ZBTB38: variants seen among roughly 807,000 people sequenced by gnomAD.
ZBTB38 encodes zinc finger and BTB domain containing 38.
ZBTB38 carries 20 observed loss-of-function variants against 76.8 expected under a neutral mutation model. That is an observed-to-expected ratio of 0.26 (90% CI 0.18 to 0.38). The LOEUF (loss-of-function observed/expected upper bound fraction) is 0.38, where lower values mean the gene tolerates loss of function less well. ZBTB38 is among the 10% of genes least tolerant of loss of function. The pLI, the probability that ZBTB38 is intolerant of heterozygous loss-of-function variation, is 1.00. For missense variants in ZBTB38, 1,082 were observed against 1,482.3 expected (o/e 0.73, Z 4.43); for synonymous variants, 504 against 544.2 (o/e 0.93, Z 1.03).
At chr3:141,374,681 C>A (rs983688995) in intron 2 of ZBTB38, among the ~76,000 whole-genome samples, 12 of 151,956 alleles carry the variant, frequency 7.9e-5, no homozygotes, top group African/African-American at 2.9e-4. Flanking sequence ...TGGTGTTTTG[C>A]CCCCATTTAA....
chr3:141,383,480 T>C (rs960097807), intron 3 of ZBTB38, among the ~76,000 whole-genome samples: 1 of 152,200 alleles, frequency 6.6e-6, no homozygotes, highest in African/African-American at 2.4e-5. Context: ...CCAGCTGTAA[T>C]GTTTAATGTG....
At chr3:141,414,782 T>A (rs1183772288) in intron 5 of ZBTB38, among the ~76,000 whole-genome samples, 1 of 151,768 alleles carries the variant, frequency 6.6e-6, no homozygotes, top group Admixed American at 6.6e-5. Context: ...ACTTGGTCTT[T>A]GGTATGTTTG....
Position 141,445,299 on chromosome 3 carries a change from T to G in ZBTB38, c.2911T>G (p.Phe971Val). 6.2e-7 allele frequency: 1 copy of G among 1,614,090 alleles called. No individual in the cohort carries two copies. The highest frequency in any genetic ancestry group is 1.7e-5 in the Admixed American group (1 of 60,018). Residue 971 changes from phenylalanine (F) to valine (V), a missense_variant, in exon 6 of 6, where the codon TTT becomes GTT. Transcript: ENST00000321464. The surrounding 1 kb of genome is among the most constrained non-coding windows in gnomAD (Gnocchi z 6.5). ...AVGKAPQDKP[F>V]EEEETKEMPK... ...GGGGAAGGCTCCTCAGGATAAACCC[T>G]TTGAGGAAGAAGAAACTAAAGAGAT...
rs2081278620 is a variant in ZBTB38 at position 141,448,687 on chromosome 3, A to G, written c.*2711A>G. The G allele has an allele frequency of 6.6e-6, 1 of 152,260 alleles. No individual in the cohort carries two copies. Among genetic ancestry groups the G allele is most frequent in the African/African-American group, 2.4e-5 (1 of 41,472 alleles). 9.4% of individuals were successfully genotyped at this position (152,260 alleles called of 1,614,324 possible). A position where few individuals can be genotyped will look rare whatever the true frequency, so the allele number is the denominator to read the frequency against. On this transcript the variant is annotated 3_prime_UTR_variant, in exon 6 of 6. Coordinates refer to ENST00000321464, the MANE Select transcript of ZBTB38 (RefSeq NM_001376113.1). The stretch of plus-strand genomic sequence containing the variant: ...ATAAATTTGTTTTTGCTTGATTAAA[A>G]TAGCTTATTCCTACATTAAGTCTCT...
chr3:141,446,097 A>C lies in ZBTB38; in HGVS notation c.*121A>C, dbSNP rs74686513. 1.1e-6 allele frequency: 1 copy of C among 890,354 alleles called. No homozygotes were observed. Among genetic ancestry groups the C allele is most frequent in the Non-Finnish European group, 1.6e-6 (1 of 643,188 alleles). The allele number at this position is 890,354 out of a possible 1,614,324, so 55.2% of individuals were successfully genotyped here. A position where few individuals can be genotyped will look rare whatever the true frequency, so the allele number is the denominator to read the frequency against. Reference sequence around the variant, plus strand: ...AGGAGTGAAATTAAAAAAAAAAAAAACTCATTTGTGAAAATTCCAGAAAAA... The same window carrying C: ...AGGAGTGAAATTAAAAAAAAAAAAACCTCATTTGTGAAAATTCCAGAAAAA... On this transcript the variant is annotated 3_prime_UTR_variant, in exon 6 of 6. Transcript: ENST00000321464.
intron 5 of ZBTB38, among the ~76,000 whole-genome samples, chr3:141,416,184 G>T (rs78440862): frequency 1.3e-5 from 2 of 152,122 alleles, no homozygotes; most frequent in African/African-American, 4.8e-5. Flanking sequence ...TACTAGGGTG[G>T]TGAGAAAAGG....
intron 5 of ZBTB38, among the ~76,000 whole-genome samples, chr3:141,410,359 C>T (rs1334041628): frequency 6.6e-6 from 1 of 152,138 alleles, no homozygotes; most frequent in African/African-American, 2.4e-5. Flanking sequence ...AAATTTAATG[C>T]TTACAAGGAA....
chr3:141,403,390 T>C (rs1423047962), intron 4 of ZBTB38, among the ~76,000 whole-genome samples: 2 of 152,088 alleles, frequency 1.3e-5, no homozygotes, highest in African/African-American at 4.8e-5. Flanking sequence ...TTTTCAAGAG[T>C]GGGGGACCCA....
At chr3:141,426,032 T>C (rs992382034) in intron 5 of ZBTB38, 2 of 707,470 alleles carry the variant, frequency 2.8e-6, no homozygotes, top group Non-Finnish European at 4.3e-6. Context: ...GGATGACATA[T>C]GTAGGTGACT....
chr3:141,353,352 A>G lies in ZBTB38; in HGVS notation c.-738-15269A>G. 1.3e-5 allele frequency among the ~76,000 whole-genome samples: 2 copies of G among 151,872 alleles called. 1 individual carries two copies. Among genetic ancestry groups the G allele is most frequent in the Non-Finnish European group, 2.9e-5 (2 of 68,000 alleles). On this transcript the variant is annotated intron_variant, in intron 1 of 7. Coordinates refer to the ZBTB38 transcript ENST00000509842. ...CCCTTTTTCATCTTTCCCCTTTTGC[A>G]TCACTTACCCCCAAGCTTCCTCCAA...
chr3:141,401,641 T>G (rs920933633), intron 4 of ZBTB38, among the ~76,000 whole-genome samples: 4 of 149,862 alleles, frequency 2.7e-5, no homozygotes, highest in African/African-American at 9.8e-5. Context: ...AATTTAAGAA[T>G]AAGACTCTAC....
At chr3:141,417,323 A>G (rs572790867) in intron 5 of ZBTB38, among the ~76,000 whole-genome samples, 1 of 152,206 alleles carries the variant, frequency 6.6e-6, no homozygotes, top group Non-Finnish European at 1.5e-5. Flanking sequence ...TCCATTTTGG[A>G]TGTCTGTTGA....
chr3:141,444,437 T>C lies in ZBTB38; in HGVS notation c.2049T>C (p.Ser683=). The change falls in exon 6 of 6, where the codon AGT becomes AGC. Residue 683 remains serine, a synonymous_variant. Coordinates refer to ENST00000321464, the MANE Select transcript of ZBTB38 (RefSeq NM_001376113.1). This position sits in a 1 kb window ranked among gnomAD's most constrained non-coding sequence, Gnocchi z 5.1. ...TTTCTTCCACTGAAAATGCTGTCAGTTCTGACCTCCGGGCAGGGGATGTAC... is the reference window on the plus strand; with the variant it reads ...TTTCTTCCACTGAAAATGCTGTCAGCTCTGACCTCCGGGCAGGGGATGTAC... ...VSVSSTENAV[S]SDLRAGDVPV... is the part of the protein sequence containing the mutation. 1 of 1,614,080 alleles carries C rather than the reference T, an allele frequency of 6.2e-7. No homozygotes were observed. Among genetic ancestry groups the C allele is most frequent in the Non-Finnish European group, 8.5e-7 (1 of 1,180,040 alleles).
In ZBTB38 at chr3:141,360,801, G is replaced by A. The variant is rs114608288; in HGVS notation, c.-738-7820G>A. ...TCCCTGGCTTCTACCCACTGTTGACGGTATTACCCCCAAAATGACAATAAA... is the reference window on the plus strand; with the variant it reads ...TCCCTGGCTTCTACCCACTGTTGACAGTATTACCCCCAAAATGACAATAAA... On this transcript the variant is annotated intron_variant, in intron 1 of 7. Transcript: ENST00000509842. 6.0e-3 allele frequency among the ~76,000 whole-genome samples: 917 copies of A among 152,114 alleles called. 5 individuals are homozygous for A. The highest frequency in any genetic ancestry group is 0.019 in the African/African-American group (800 of 41,482).
At chr3:141,348,718 T>C (rs139310120) in intron 1 of ZBTB38, among the ~76,000 whole-genome samples, 154 of 152,294 alleles carry the variant, frequency 1.0e-3, no homozygotes, top group Non-Finnish European at 1.9e-3. Flanking sequence ...ACTGTATCTG[T>C]CAAGAGCCAA....
chr3:141,383,870 A>G (rs1186241422), intron 3 of ZBTB38, among the ~76,000 whole-genome samples: 1 of 152,194 alleles, frequency 6.6e-6, no homozygotes, highest in East Asian at 1.9e-4. Context: ...TGCCTTTTAA[A>G]TTAATGTTTG....
chr3:141,419,503 G>A (rs115904786), intron 5 of ZBTB38, among the ~76,000 whole-genome samples: 310 of 152,302 alleles, frequency 2.0e-3, no homozygotes, highest in African/African-American at 7.1e-3. Flanking sequence ...ATTTAAGTAC[G>A]TTAGAAGTTA....
chr3:141,353,711 T>C (rs1384847805), intron 1 of ZBTB38, among the ~76,000 whole-genome samples: 1 of 152,134 alleles, frequency 6.6e-6, no homozygotes, highest in African/African-American at 2.4e-5. Flanking sequence ...AATACTTGAA[T>C]GAATGAGTGA....
intron 2 of ZBTB38, among the ~76,000 whole-genome samples, chr3:141,371,160 C>T (rs1944546520): frequency 7.2e-6 from 1 of 139,376 alleles, no homozygotes; most frequent in African/African-American, 2.6e-5. Context: ...TCAAGTGATT[C>T]TACTGCCTCA....
Sources: allele counts gnomAD v4.1 joint callset (sites outside exome capture counted in the v4.1 genomes callset), GRCh38; gene constraint gnomAD v4.1.1; non-coding constraint Gnocchi (gnomAD v3.1); transcripts MANE v1.5; gene names NCBI Gene and HGNC (gene_info 2026-07-23, HGNC 2026-07-21).